ZNF385B: variants seen among roughly 807,000 people sequenced by gnomAD.
The protein encoded by ZNF385B is zinc finger protein 385B, also known as zinc finger protein 533.
A neutral mutation model predicts 39.2 loss-of-function variants in ZNF385B; 23 were observed. The observed-to-expected ratio is 0.59, with a 90% CI of 0.42 to 0.83. The LOEUF is 0.83. Among genes scored for constraint, ZNF385B ranks in the 40% least tolerant of loss-of-function variants. The pLI, the probability that ZNF385B is intolerant of heterozygous loss-of-function variation, is 0.00. For missense variants in ZNF385B, 552 were observed against 598.9 expected, an observed-to-expected ratio of 0.92 and a Z score of 0.82; for synonymous variants, 205 against 222.6, an observed-to-expected ratio of 0.92 and a Z score of 0.70.
At chr2:179,644,390 C>T (rs6741320) in intron 3 of ZNF385B, among the ~76,000 whole-genome samples, 41,304 of 151,928 alleles carry the variant, frequency 0.27, 5,983 homozygotes, top group Admixed American at 0.36. Context: ...ATAGCTAGAT[C>T]GCAATCAGAC....
In ZNF385B at chr2:179,596,086, T is replaced by C. The variant is rs1438795984; in HGVS notation, c.299-51117A>G. Among the ~76,000 whole-genome samples the C allele has an allele frequency of 3.3e-5, 5 of 152,244 alleles. No individual in the cohort carries two copies. The South Asian group carries it at 8.3e-4, about 25-fold the overall frequency. On this transcript the variant is annotated intron_variant, in intron 3 of 9. Transcript: ENST00000410066. The stretch of plus-strand genomic sequence containing the variant: ...TTTTAATATCTCTAATAGGTTTCTA[T>C]TGCTGCATAACAAATTACTCAAGAA...
intron 1 of ZNF385B, among the ~76,000 whole-genome samples, chr2:179,777,123 G>C (rs575841438): frequency 6.0e-5 from 9 of 151,170 alleles, no homozygotes; most frequent in Admixed American, 2.7e-4. Flanking sequence ...TATCTTTTCT[G>C]GCATACTTGA....
chr2:179,593,995 T>C (rs769667741), intron 3 of ZNF385B, among the ~76,000 whole-genome samples: 3 of 151,852 alleles, frequency 2.0e-5, no homozygotes, highest in Middle Eastern at 3.4e-3. Flanking sequence ...AGAAAGGGAA[T>C]AGGGGAGGGA....
chr2:179,707,658 G>T (rs1219504629), intron 3 of ZNF385B, among the ~76,000 whole-genome samples: 1 of 152,188 alleles, frequency 6.6e-6, no homozygotes. Context: ...CAGTGTCTTG[G>T]GCAGCCCAAG....
At chr2:179,584,033 G>T in intron 3 of ZNF385B, 1 of 946,878 alleles carries the variant, frequency 1.1e-6, no homozygotes, top group Non-Finnish European at 1.5e-6. Flanking sequence ...TGTTGAAGAA[G>T]ACATAGTCCC....
chr2:179,443,012 G>C lies in ZNF385B; in HGVS notation c.*238C>G. On this transcript the variant is annotated 3_prime_UTR_variant, in exon 10 of 10. Transcript: ENST00000410066. Reference sequence around the variant, plus strand: ...ATACACAAATTGAACGCGGTAGGGTGGGGGAGGAAGTAGGGAGATAAAGCC... The same window carrying C: ...ATACACAAATTGAACGCGGTAGGGTCGGGGAGGAAGTAGGGAGATAAAGCC... The C allele has an allele frequency of 1.5e-5, 9 of 595,804 alleles. No individual in the cohort carries two copies. Among genetic ancestry groups the C allele is most frequent in the Non-Finnish European group, 2.4e-5 (8 of 334,246 alleles). The allele number at this position is 595,804 out of a possible 1,614,324, so 36.9% of individuals were successfully genotyped here.
intron 6 of ZNF385B, among the ~76,000 whole-genome samples, chr2:179,457,101 C>T (rs1185860547): frequency 2.0e-5 from 3 of 152,066 alleles, no homozygotes; most frequent in African/African-American, 7.2e-5. Flanking sequence ...TCAGTTTTAT[C>T]TATTTTTAAG....
At chr2:179,695,956 G>T (rs960391165) in intron 3 of ZNF385B, among the ~76,000 whole-genome samples, 9 of 152,208 alleles carry the variant, frequency 5.9e-5, no homozygotes, top group African/African-American at 2.2e-4. Context: ...GTGGATACGT[G>T]CCACAACATG....
intron 3 of ZNF385B, among the ~76,000 whole-genome samples, chr2:179,742,511 T>C (rs1702143476): frequency 6.6e-6 from 1 of 152,084 alleles, no homozygotes; most frequent in African/African-American, 2.4e-5. Flanking sequence ...TTGTTTTAGC[T>C]AAAATTCAAA....
At chr2:179,761,480 A>G (rs954972684) in intron 3 of ZNF385B, among the ~76,000 whole-genome samples, 3 of 152,162 alleles carry the variant, frequency 2.0e-5, no homozygotes, top group African/African-American at 7.2e-5. Flanking sequence ...TTTAAAGTAT[A>G]TAAGTATTTC....
At chr2:179,714,942 C>CA (rs34449760) in intron 3 of ZNF385B, among the ~76,000 whole-genome samples, 10,534 of 79,166 alleles carry the variant, frequency 0.13, 1,349 homozygotes, top group Middle Eastern at 0.2. Flanking sequence ...GATTCTATCT[C>CA]AAAAAAAAAA....
intron 1 of ZNF385B, among the ~76,000 whole-genome samples, chr2:179,794,441 T>G (rs900992621): frequency 2.0e-5 from 3 of 152,152 alleles, no homozygotes; most frequent in Admixed American, 2.0e-4. Context: ...AAATGCTATT[T>G]ACCATGGAAA....
chr2:179,758,173 C>T (rs1703162076), intron 3 of ZNF385B, among the ~76,000 whole-genome samples: 1 of 152,118 alleles, frequency 6.6e-6, no homozygotes, highest in South Asian at 2.1e-4. Context: ...TTTTTCCACC[C>T]CTCTAATTTG....
chr2:179,830,708 G>A (rs951684634), intron 1 of ZNF385B, among the ~76,000 whole-genome samples: 1 of 152,172 alleles, frequency 6.6e-6, no homozygotes, highest in Non-Finnish European at 1.5e-5. Context: ...CGGTGGATGG[G>A]GAGGCAGAGA....
intron 3 of ZNF385B, among the ~76,000 whole-genome samples, chr2:179,719,482 C>T (rs140951138): frequency 1.3e-5 from 2 of 152,198 alleles, no homozygotes; most frequent in Non-Finnish European, 2.9e-5. Context: ...TAACGGCAGA[C>T]GAAGGACAAG....
At chr2:179,852,806 G>C (rs896580481) in intron 1 of ZNF385B, among the ~76,000 whole-genome samples, 5 of 152,112 alleles carry the variant, frequency 3.3e-5, no homozygotes, top group African/African-American at 1.2e-4. Flanking sequence ...AGCTTTCAAG[G>C]GTTAATTCCA....
chr2:179,491,110 G>A (rs1166326204), intron 5 of ZNF385B, among the ~76,000 whole-genome samples: 1 of 151,880 alleles, frequency 6.6e-6, no homozygotes, highest in Non-Finnish European at 1.5e-5. Context: ...CAAACCTAAT[G>A]GAAGTAGTTT....
chr2:179,730,823 G>C (rs1014538608), intron 3 of ZNF385B, among the ~76,000 whole-genome samples: 1 of 152,180 alleles, frequency 6.6e-6, no homozygotes, highest in Non-Finnish European at 1.5e-5. Context: ...TAACAAGATA[G>C]AGGAGAAGCA....
At chr2:179,502,851 A>C (rs957250964) in intron 5 of ZNF385B, among the ~76,000 whole-genome samples, 1 of 152,120 alleles carries the variant, frequency 6.6e-6, no homozygotes, top group Admixed American at 6.5e-5. Context: ...TATCTACTCA[A>C]GCTGATTCTT....
Sources: allele counts gnomAD v4.1 joint callset (sites outside exome capture counted in the v4.1 genomes callset), GRCh38; gene constraint gnomAD v4.1.1; transcripts MANE v1.5; gene names NCBI Gene and HGNC (gene_info 2026-07-23, HGNC 2026-07-21).